Variants in SLC25A33 observed in about 807,000 individuals in gnomAD.
The protein encoded by SLC25A33 is solute carrier family 25 member 33.
Under a neutral mutation model 35.5 loss-of-function variants are expected in SLC25A33, and 15 were observed. That is an observed-to-expected ratio of 0.42 (90% CI 0.28 to 0.65). SLC25A33 has a LOEUF of 0.65. SLC25A33 is among the 30% of genes least tolerant of loss of function. The pLI is 0.20. For synonymous variants in SLC25A33, 136 were observed against 148.7 expected (o/e 0.91, Z 0.62); for missense variants, 257 against 398.5 (o/e 0.64, Z 3.02).
At chr1:9,564,739 A>AT (rs1211262069) in intron 2 of SLC25A33, among the ~76,000 whole-genome samples, 1,646 of 96,390 alleles carry the variant, frequency 0.017, 31 homozygotes, top group Non-Finnish European at 0.023. Flanking sequence ...AAAAAAAAAA[A>AT]ATATATATAT....
chr1:9,552,241 A>T (rs1643276238), intron 1 of SLC25A33, among the ~76,000 whole-genome samples: 1 of 151,994 alleles, frequency 6.6e-6, no homozygotes, highest in Non-Finnish European at 1.5e-5. Context: ...TTTTTAAGAC[A>T]GTCTTGCTCT....
rs1202641975 is a variant in SLC25A33, at chr1:9,578,049, A to G, written c.483-1905A>G. ...GCCATTCTCCTGCCTCAGCCTCCCG[A>G]GTAGCTGGGAAGTGCCCGCCACCAT... On this transcript the variant is annotated intron_variant, in intron 5 of 6. Coordinates refer to ENST00000302692, the MANE Select transcript of SLC25A33 (RefSeq NM_032315.3). The surrounding 1 kb of genome is among the most constrained non-coding windows in gnomAD (Gnocchi z 4.3). Among the ~76,000 whole-genome samples the G allele has an allele frequency of 6.6e-6, 1 of 152,020 alleles. No individual in the cohort carries two copies. Among genetic ancestry groups the G allele is most frequent in the African/African-American group, 2.4e-5 (1 of 41,372 alleles).
At chr1:9,553,294 G>A (rs547004805) in intron 1 of SLC25A33, among the ~76,000 whole-genome samples, 1 of 127,382 alleles carries the variant, frequency 7.9e-6, no homozygotes, top group Non-Finnish European at 1.6e-5. Flanking sequence ...TGGCACAATC[G>A]GCTCACTGCA....
At chr1:9,565,367 T>A (rs879273476) in intron 2 of SLC25A33, among the ~76,000 whole-genome samples, 21 of 151,566 alleles carry the variant, frequency 1.4e-4, no homozygotes, top group Non-Finnish European at 2.7e-4. Flanking sequence ...ATACAAAAAA[T>A]TAGCTGGGCG....
At chr1:9,564,739 A>AAAAAAATATATATAT (rs60174872) in intron 2 of SLC25A33, among the ~76,000 whole-genome samples, 1 of 96,584 alleles carries the variant, frequency 1.0e-5, no homozygotes, top group African/African-American at 4.4e-5. Context: ...AAAAAAAAAA[A>AAAAAAATATATATAT]ATATATATAT....
At position 9,550,024 on chromosome 1, in the gene SLC25A33, T is replaced by A. The variant is rs1290090531; in HGVS notation, c.57-3602T>A. Among the ~76,000 whole-genome samples, 662 of 112,610 alleles carry A rather than the reference T, an allele frequency of 5.9e-3. 19 individuals are homozygous for A. The highest frequency in any genetic ancestry group is 0.021 in the African/African-American group (620 of 28,882). The allele number at this position is 112,610 out of a possible 152,430, so 73.9% of individuals were successfully genotyped here. ...ATATATATATATATTTTTTTTTTTT[T>A]TTTTTTTTTTTTTTGAGACGGGGTC... On this transcript the variant is annotated intron_variant, in intron 1 of 6. Transcript: ENST00000302692.
chr1:9,564,745 T>A (rs887675137), intron 2 of SLC25A33, among the ~76,000 whole-genome samples: 8,599 of 116,318 alleles, frequency 0.074, 680 homozygotes, highest in East Asian at 0.46. Context: ...AAAAAATATA[T>A]ATATATATAT....
intron 4 of SLC25A33, among the ~76,000 whole-genome samples, chr1:9,572,221 G>C (rs549290647): frequency 5.9e-5 from 9 of 152,332 alleles, no homozygotes; most frequent in Non-Finnish European, 8.8e-5. Context: ...GGCCAGTAGT[G>C]AGTTAGCATA....
intron 4 of SLC25A33, among the ~76,000 whole-genome samples, chr1:9,570,911 C>T (rs1382965346): frequency 6.6e-6 from 1 of 152,030 alleles, no homozygotes; most frequent in Non-Finnish European, 1.5e-5. Flanking sequence ...CGAGGTTTCA[C>T]CACATTGCCC....
At chr1:9,544,930 G>A (rs1277802151) in intron 1 of SLC25A33, among the ~76,000 whole-genome samples, 4 of 152,162 alleles carry the variant, frequency 2.6e-5, no homozygotes, top group African/African-American at 9.7e-5. Flanking sequence ...AATTCTGTGT[G>A]CATAATTTAA....
At chr1:9,571,734 C>G (rs1235541929) in intron 4 of SLC25A33, among the ~76,000 whole-genome samples, 2 of 151,974 alleles carry the variant, frequency 1.3e-5, no homozygotes, top group African/African-American at 2.4e-5. Context: ...ACCTCCTGGG[C>G]TCAAGCCATC....
chr1:9,563,997 G>A (rs1643462825), intron 2 of SLC25A33, among the ~76,000 whole-genome samples: 1 of 152,112 alleles, frequency 6.6e-6, no homozygotes, highest in African/African-American at 2.4e-5. Flanking sequence ...TTATTTGTGA[G>A]CTAGATCAAC....
At chr1:9,560,683 AT>A (rs1436908963) in intron 2 of SLC25A33, among the ~76,000 whole-genome samples, 4 of 152,320 alleles carry the variant, frequency 2.6e-5, no homozygotes, top group South Asian at 2.1e-4. Flanking sequence ...AGAGAAAAAA[AT>A]ATTCTCTATT....
intron 6 of SLC25A33, among the ~76,000 whole-genome samples, chr1:9,581,720 ACT>A (rs1430094785): frequency 1.4e-5 from 2 of 142,296 alleles, no homozygotes; most frequent in East Asian, 2.0e-4. Context: ...ATAGAGTGAG[ACT>A]CTGCCTCAAA....
chr1:9,555,360 C>T (rs963774876), intron 2 of SLC25A33, among the ~76,000 whole-genome samples: 5 of 151,914 alleles, frequency 3.3e-5, no homozygotes, highest in African/African-American at 7.3e-5. Flanking sequence ...CCTCGTGATC[C>T]GCCCACCTTG....
intron 2 of SLC25A33, among the ~76,000 whole-genome samples, chr1:9,560,651 A>G (rs1643410211): frequency 2.0e-5 from 3 of 152,206 alleles, no homozygotes; most frequent in Admixed American, 2.0e-4. Flanking sequence ...ATTTGTTTAT[A>G]GAAAGTTTAT....
At position 9,539,742 on chromosome 1, in the gene SLC25A33, C is replaced by A; in HGVS notation, c.51C>A (p.Ala17=). The A allele has an allele frequency of 7.1e-7, 1 of 1,404,410 alleles. No individual in the cohort carries two copies. Among genetic ancestry groups the A allele is most frequent in the Non-Finnish European group, 9.3e-7 (1 of 1,077,066 alleles). 87.0% of individuals were successfully genotyped at this position (1,404,410 alleles called of 1,614,324 possible). The change falls in exon 1 of 7, where the codon GCC becomes GCA. Residue 17 remains alanine, a synonymous_variant. Coordinates refer to ENST00000302692, the MANE Select transcript of SLC25A33 (RefSeq NM_032315.3). ...AGAACACGCTGCTTCACCTCTTCGC[C>A]GGCGGGTGAGTTCCCGGGCCCAGCC... ...QKENTLLHLF[A]GGCGGTVGAI... is the part of the protein sequence containing the mutation.
At chr1:9,575,243 C>A (rs549825119) in intron 5 of SLC25A33, among the ~76,000 whole-genome samples, 25 of 151,270 alleles carry the variant, frequency 1.7e-4, no homozygotes, top group African/African-American at 6.1e-4. Flanking sequence ...AAATAAGAAC[C>A]CCTGTATTAC....
At chr1:9,540,329 G>C (rs1362375524) in intron 1 of SLC25A33, among the ~76,000 whole-genome samples, 2 of 152,212 alleles carry the variant, frequency 1.3e-5, no homozygotes, top group African/African-American at 4.8e-5. Flanking sequence ...ATGAGGTCTG[G>C]AAGGTGTGTT....
Sources: allele counts gnomAD v4.1 joint callset (sites outside exome capture counted in the v4.1 genomes callset), GRCh38; gene constraint gnomAD v4.1.1; non-coding constraint Gnocchi (gnomAD v3.1); transcripts MANE v1.5; gene names NCBI Gene and HGNC (gene_info 2026-07-23, HGNC 2026-07-21).